SGIP1: variants seen among roughly 807,000 people sequenced by gnomAD.
SGIP1 encodes SH3GL interacting endocytic adaptor 1.
SGIP1 carries 38 observed loss-of-function variants against 107.5 expected under a neutral mutation model. That is an observed-to-expected ratio of 0.35 (90% CI 0.27 to 0.46). The LOEUF is 0.46. Among genes scored for constraint, SGIP1 ranks in the 20% least tolerant of loss-of-function variants. The probability of loss-of-function intolerance (pLI) is 1.00; values close to 1 mark genes in which losing one functional copy is unlikely to be tolerated. For synonymous variants in SGIP1, 365 were observed against 366.1 expected (o/e 1.00, Z 0.03); for missense variants, 929 against 1,019.5 (o/e 0.91, Z 1.21).
At chr1:66,649,240 T>G (rs921758016) in intron 7 of SGIP1, among the ~76,000 whole-genome samples, 2 of 147,332 alleles carry the variant, frequency 1.4e-5, no homozygotes, top group East Asian at 2.6e-4. Context: ...GAGGAACTAC[T>G]TTTAAGTTAG....
upstream of SGIP1, chr1:66,533,682 C>G (rs1026130366): frequency 1.3e-5 from 2 of 152,270 alleles, no homozygotes; most frequent in African/African-American, 4.8e-5. Context: ...GGTAAAAGGA[C>G]ACCGGAATGG....
chr1:66,674,380 A>T (rs1298833070), intron 12 of SGIP1, among the ~76,000 whole-genome samples: 1 of 152,166 alleles, frequency 6.6e-6, no homozygotes, highest in Non-Finnish European at 1.5e-5. Flanking sequence ...AAATGTGTTT[A>T]TGTCTAATGC....
intron 17 of SGIP1, among the ~76,000 whole-genome samples, chr1:66,691,214 G>T (rs2089771224): frequency 6.6e-6 from 1 of 152,056 alleles, no homozygotes; most frequent in South Asian, 2.1e-4. Flanking sequence ...ATCCCACATT[G>T]CTTGGGAGAA....
intron 1 of SGIP1, among the ~76,000 whole-genome samples, chr1:66,598,768 G>A (rs1211853224): frequency 6.6e-6 from 1 of 152,140 alleles, no homozygotes; most frequent in Non-Finnish European, 1.5e-5. Context: ...AACCATTCAC[G>A]AGAACTCCGA....
chr1:66,611,235 T>A (rs1164578565), intron 1 of SGIP1, among the ~76,000 whole-genome samples: 1 of 152,240 alleles, frequency 6.6e-6, no homozygotes, highest in African/African-American at 2.4e-5. Flanking sequence ...ATAGCTAACC[T>A]GTGAGATAAG....
At chr1:66,583,341 A>T (rs2062074862) in intron 1 of SGIP1, among the ~76,000 whole-genome samples, 1 of 152,216 alleles carries the variant, frequency 6.6e-6, no homozygotes, top group Non-Finnish European at 1.5e-5. Flanking sequence ...AGTGCTTATT[A>T]TAAATTCAGA....
intron 18 of SGIP1, among the ~76,000 whole-genome samples, chr1:66,707,207 T>G (rs1457590333): frequency 6.6e-6 from 1 of 152,110 alleles, no homozygotes; most frequent in African/African-American, 2.4e-5. Flanking sequence ...GAAATAAACT[T>G]TGTCAAGTGT....
intron 12 of SGIP1, among the ~76,000 whole-genome samples, chr1:66,675,419 C>G (rs553612117): frequency 4.5e-4 from 68 of 152,082 alleles, no homozygotes; most frequent in Non-Finnish European, 7.9e-4. Context: ...TGCCTTTGCA[C>G]CGATCACACT....
chr1:66,556,831 T>C (rs1040617799), intron 1 of SGIP1, among the ~76,000 whole-genome samples: 5 of 152,112 alleles, frequency 3.3e-5, no homozygotes, highest in African/African-American at 1.2e-4. Flanking sequence ...AACCTTAATA[T>C]TTTTGCTCTA....
At chr1:66,574,533 T>C (rs780235888) in intron 1 of SGIP1, among the ~76,000 whole-genome samples, 5 of 152,174 alleles carry the variant, frequency 3.3e-5, no homozygotes, top group Non-Finnish European at 5.9e-5. Flanking sequence ...AACAATTAGA[T>C]TGTTTTTGAT....
At chr1:66,698,430 G>A (rs1280379067) in intron 18 of SGIP1, among the ~76,000 whole-genome samples, 3 of 147,276 alleles carry the variant, frequency 2.0e-5, no homozygotes, top group African/African-American at 5.0e-5. Flanking sequence ...CCAGGCTGGA[G>A]TGCAATGGCT....
At chr1:66,655,318 A>T (rs1536115) in intron 7 of SGIP1, among the ~76,000 whole-genome samples, 98,204 of 151,760 alleles carry the variant, frequency 0.65, 32,653 homozygotes, top group East Asian at 1. Context: ...ACCTCCCTCA[A>T]CAACTTCATC....
intron 7 of SGIP1, chr1:66,660,228 A>AGAGG (rs754089563): frequency 0.023 from 5,209 of 228,696 alleles, 509 homozygotes; most frequent in African/African-American, 0.12. Flanking sequence ...AAAGAAAGAA[A>AGAGG]GAGGGAGGGA....
intron 1 of SGIP1, among the ~76,000 whole-genome samples, chr1:66,543,942 A>G (rs1001766716): frequency 6.6e-6 from 1 of 152,186 alleles, no homozygotes; most frequent in African/African-American, 2.4e-5. Flanking sequence ...GTAAAGTTTA[A>G]TTTATAAATT....
rs1376452227 is a variant in SGIP1, at chr1:66,747,217, ATT to A, written c.*4125_*4126del. ...CTAGGGATGAGATTTGGGAATATACATTTTGATAAGTGCTCCAAATTTGAGAA... is the reference window on the plus strand; with the variant it reads ...CTAGGGATGAGATTTGGGAATATACATTGATAAGTGCTCCAAATTTGAGAA... On this transcript the variant is annotated 3_prime_UTR_variant, in exon 25 of 25. Transcript: ENST00000371037. 6.6e-6 allele frequency: 1 copy of A among 152,114 alleles called. No homozygotes were observed. The highest frequency in any genetic ancestry group is 2.4e-5 in the African/African-American group (1 of 41,464). The allele number at this position is 152,114 out of a possible 1,614,324, so 9.4% of individuals were successfully genotyped here.
chr1:66,687,940 G>A (rs1343370824), intron 15 of SGIP1, among the ~76,000 whole-genome samples: 1 of 152,174 alleles, frequency 6.6e-6, no homozygotes, highest in Non-Finnish European at 1.5e-5. Flanking sequence ...AGAGGAGCAA[G>A]GTTTAATCCC....
chr1:66,628,825 T>C (rs911913280), intron 2 of SGIP1, among the ~76,000 whole-genome samples: 5 of 141,024 alleles, frequency 3.5e-5, no homozygotes, highest in Non-Finnish European at 6.1e-5. Flanking sequence ...GACATTTGTT[T>C]AAAGAATCCC....
intron 2 of SGIP1, among the ~76,000 whole-genome samples, 166 bp from the exon 3 acceptor site, chr1:66,632,904 C>T (rs972829560): frequency 7.9e-5 from 12 of 152,172 alleles, no homozygotes; most frequent in Non-Finnish European, 1.8e-4. Context: ...CACTTAAATA[C>T]CACTCAACCA....
At chr1:66,742,662 G>A (rs1025983246) in intron 24 of SGIP1, among the ~76,000 whole-genome samples, 1 of 149,826 alleles carries the variant, frequency 6.7e-6, no homozygotes, top group Admixed American at 6.6e-5. Flanking sequence ...GTAGAGACGG[G>A]GTTTCACCGT....
Sources: allele counts gnomAD v4.1 joint callset (sites outside exome capture counted in the v4.1 genomes callset), GRCh38; gene constraint gnomAD v4.1.1; transcripts MANE v1.5; gene names NCBI Gene and HGNC (gene_info 2026-07-23, HGNC 2026-07-21).